Variants in TSHZ2 observed in about 807,000 individuals in gnomAD.
TSHZ2 encodes teashirt zinc finger homeobox 2.
A neutral mutation model predicts 74.4 loss-of-function variants in TSHZ2; 21 were observed. The ratio of observed to expected loss-of-function variants is 0.28; its 90% confidence interval spans 0.20 to 0.41. The LOEUF is 0.41. Ranked by LOEUF, TSHZ2 falls within the 10% of genes least tolerant of loss-of-function variation. The pLI, the probability that TSHZ2 is intolerant of heterozygous loss-of-function variation, is 1.00. For synonymous variants in TSHZ2, 540 were observed against 515.3 expected (o/e 1.05, Z -0.65); for missense variants, 1,244 against 1,293.5 (o/e 0.96, Z 0.59).
At chr20:53,079,340 T>G (rs1985459751) in intron 1 of TSHZ2, among the ~76,000 whole-genome samples, 1 of 151,874 alleles carries the variant, frequency 6.6e-6, no homozygotes, top group South Asian at 2.1e-4. Flanking sequence ...AAATGAGAGA[T>G]GAGAAATAGA....
intron 1 of TSHZ2, among the ~76,000 whole-genome samples, chr20:53,237,795 C>A (rs950043651): frequency 6.6e-6 from 1 of 152,202 alleles, no homozygotes; most frequent in Non-Finnish European, 1.5e-5. Flanking sequence ...ACCCAGTAGA[C>A]TGTACCAGCT....
chr20:53,235,804 G>T (rs1381633982), intron 1 of TSHZ2, among the ~76,000 whole-genome samples: 5 of 152,132 alleles, frequency 3.3e-5, no homozygotes, highest in African/African-American at 1.2e-4. Context: ...GAGGTGCCCA[G>T]GATTTTAGCA....
At chr20:53,259,446 C>A (rs1056594427) in intron 2 of TSHZ2, among the ~76,000 whole-genome samples, 1 of 152,166 alleles carries the variant, frequency 6.6e-6, no homozygotes, top group African/African-American at 2.4e-5. Flanking sequence ...AAAACAATTT[C>A]AATATGTATT....
rs191547859 is a variant in TSHZ2, at chr20:53,443,900, G to A, written c.*9-43244G>A. ...GCTACTGCCTGTTGAAACCCGTGGA[G>A]AGCTAGGCCTGGTGTGTTCCAAGGG... On this transcript the variant is annotated intron_variant, in intron 2 of 2. Transcript: ENST00000371497. Among the ~76,000 whole-genome samples the A allele has an allele frequency of 6.6e-5, 10 of 152,282 alleles. No homozygotes were observed. In the East Asian group the frequency reaches 1.9e-3, roughly 29 times the overall value.
At chr20:53,101,299 C>A (rs1270166598) in intron 1 of TSHZ2, among the ~76,000 whole-genome samples, 1 of 152,142 alleles carries the variant, frequency 6.6e-6, no homozygotes, top group South Asian at 2.1e-4. Context: ...TTCAGATCGT[C>A]ACCAAAATTA....
intron 2 of TSHZ2, among the ~76,000 whole-genome samples, chr20:53,262,043 G>A (rs1331977642): frequency 1.3e-5 from 2 of 152,108 alleles, no homozygotes; most frequent in African/African-American, 2.4e-5. Flanking sequence ...CTGCAGAGAA[G>A]TCTTTCTCCA....
chr20:53,301,366 CT>C (rs1488414242), intron 2 of TSHZ2, among the ~76,000 whole-genome samples: 1 of 152,214 alleles, frequency 6.6e-6, no homozygotes, highest in East Asian at 1.9e-4. Flanking sequence ...CAGATTCTGT[CT>C]TTCTCAATGA....
intron 2 of TSHZ2, among the ~76,000 whole-genome samples, chr20:53,315,481 G>A (rs781282333): frequency 1.3e-5 from 2 of 152,226 alleles, no homozygotes; most frequent in Non-Finnish European, 2.9e-5. Context: ...GTGTATAGGC[G>A]TGCTTGCCTT....
At chr20:53,212,674 G>A (rs1296032) in intron 1 of TSHZ2, among the ~76,000 whole-genome samples, 95,992 of 152,036 alleles carry the variant, frequency 0.63, 31,008 homozygotes, top group African/African-American at 0.77. Flanking sequence ...GATCTCAAGT[G>A]TGGCTGGATT....
chr20:53,449,557 TACC>T (rs1396155108), intron 2 of TSHZ2, among the ~76,000 whole-genome samples: 1 of 152,232 alleles, frequency 6.6e-6, no homozygotes, highest in Non-Finnish European at 1.5e-5. Context: ...AGTAATATAC[TACC>T]ACATCTCTTA....
At chr20:52,994,696 C>T (rs1982116841) in intron 1 of TSHZ2, among the ~76,000 whole-genome samples, 1 of 152,146 alleles carries the variant, frequency 6.6e-6, no homozygotes, top group African/African-American at 2.4e-5. Context: ...TCTTACAAGC[C>T]ATAATGTGCC....
intron 1 of TSHZ2, among the ~76,000 whole-genome samples, chr20:53,083,774 G>T (rs1470476924): frequency 6.6e-6 from 1 of 152,116 alleles, no homozygotes; most frequent in East Asian, 1.9e-4. Flanking sequence ...TTCTGTTTCT[G>T]TTTTTACTGG....
At chr20:53,257,057 C>G (rs1370158504) in intron 2 of TSHZ2, among the ~76,000 whole-genome samples, 1 of 152,202 alleles carries the variant, frequency 6.6e-6, no homozygotes, top group African/African-American at 2.4e-5. Flanking sequence ...TTAATCAGCT[C>G]ATGAATAGCT....
chr20:53,238,513 C>A (rs1390584560), intron 1 of TSHZ2, among the ~76,000 whole-genome samples: 1 of 151,956 alleles, frequency 6.6e-6, no homozygotes, highest in Non-Finnish European at 1.5e-5. Flanking sequence ...TGTTCTGTGC[C>A]ATAGTAAAGC....
In TSHZ2 at chr20:52,979,692, C is replaced by T. The variant is rs114444784; in HGVS notation, c.40+6359C>T. Among the ~76,000 whole-genome samples the T allele has an allele frequency of 5.9e-3, 885 of 150,120 alleles. 5 individuals are homozygous for T. Among genetic ancestry groups the T allele is most frequent in the African/African-American group, 0.02 (840 of 41,320 alleles). The stretch of plus-strand genomic sequence containing the variant: ...TTGCCTCCCTCAATTTTTTACGTTT[C>T]CCCTGTAGAAAAAGACATCCTCTGG... On this transcript the variant is annotated intron_variant, in intron 1 of 2. Coordinates refer to ENST00000371497, the MANE Select transcript of TSHZ2 (RefSeq NM_173485.6).
intron 1 of TSHZ2, among the ~76,000 whole-genome samples, chr20:53,100,637 A>G (rs6097233): frequency 0.071 from 10,730 of 152,132 alleles, 875 homozygotes; most frequent in East Asian, 0.36. Flanking sequence ...GATGGTAACT[A>G]TGATTTCACA....
chr20:53,374,583 A>C (rs1015203647), intron 2 of TSHZ2, among the ~76,000 whole-genome samples: 2 of 152,180 alleles, frequency 1.3e-5, no homozygotes, highest in East Asian at 1.9e-4. Context: ...TTCCACAATG[A>C]CTAATTTACA....
chr20:53,408,464 C>T (rs4811429), intron 2 of TSHZ2, among the ~76,000 whole-genome samples: 38,913 of 152,066 alleles, frequency 0.26, 10,317 homozygotes, highest in African/African-American at 0.68. Flanking sequence ...TTTCTCAAAA[C>T]CTAGTAGGAT....
At chr20:53,413,649 T>G (rs1983132812) in intron 2 of TSHZ2, among the ~76,000 whole-genome samples, 1 of 152,228 alleles carries the variant, frequency 6.6e-6, no homozygotes, top group Admixed American at 6.5e-5. Flanking sequence ...GACTACTCCA[T>G]TGTGAAGTAT....
Sources: allele counts gnomAD v4.1 joint callset (sites outside exome capture counted in the v4.1 genomes callset), GRCh38; gene constraint gnomAD v4.1.1; transcripts MANE v1.5; gene names NCBI Gene and HGNC (gene_info 2026-07-23, HGNC 2026-07-21).